The following SRCAP variants were observed in gnomAD, a reference collection of about 807,000 sequenced individuals.
SRCAP encodes the protein Snf2 related CREBBP activator protein.
SRCAP carries 46 observed loss-of-function variants against 263.1 expected under a neutral mutation model. The observed-to-expected ratio is 0.17, with a 90% CI of 0.14 to 0.22. The LOEUF is 0.22. Ranked by LOEUF, SRCAP falls within the 10% of genes least tolerant of loss-of-function variation. The pLI, the probability that SRCAP is intolerant of heterozygous loss-of-function variation, is 1.00. For synonymous variants in SRCAP, 1,813 were observed against 1,662.1 expected (o/e 1.09, Z -2.21); for missense variants, 3,695 against 4,181.9 (o/e 0.88, Z 3.21).
At position 30,739,236 on chromosome 16, in the gene SRCAP, C is replaced by G. The variant is rs188422882; in HGVS notation, c.9196C>G (p.Leu3066Val). 1.2e-6 allele frequency: 2 copies of G among 1,613,624 alleles called. No individual in the cohort carries two copies. The highest frequency in any genetic ancestry group is 1.7e-6 in the Non-Finnish European group (2 of 1,180,014). ...DEDGSRPLTR[L>V]ARLRLEAEGM... ...GGATGGAAGCCGCCCCCTCACCCGC[C>G]TGGCCCGCCTTCGGCTTGAAGCAGA... Residue 3066 changes from leucine (L) to valine (V), a missense_variant, in exon 34 of 34, where the codon CTG (leucine) becomes GTG (valine). By Grantham distance (32) the Leu-to-Val change is conservative (BLOSUM62 1). Around this residue, in one of 12 missense-constraint regions of SRCAP, gnomAD observed 1,207 missense variants for 1,142.9 expected, o/e 1.06. Coordinates refer to ENST00000262518, the MANE Select transcript of SRCAP (RefSeq NM_006662.3).
At chr16:30,722,850 T>C (rs1202631451) in intron 23 of SRCAP, 102 bp downstream of exon 23, 2 of 1,544,762 alleles carry the variant, frequency 1.3e-6, no homozygotes, top group Non-Finnish European at 1.7e-6. Context: ...TTGTTTTCCC[T>C]TGCGAATATC....
rs1055986429 is a variant in SRCAP at position 30,700,642 on chromosome 16, C to T, written c.-183C>T. On this transcript the variant is annotated 5_prime_UTR_variant, in exon 3 of 34. Coordinates refer to ENST00000262518, the MANE Select transcript of SRCAP (RefSeq NM_006662.3). ...TGCTCCAGAGGCTGGTGGACCTGAGCGGAGGCTGGGACGCCCTGGTGGGCC... is the reference window on the plus strand; with the variant it reads ...TGCTCCAGAGGCTGGTGGACCTGAGTGGAGGCTGGGACGCCCTGGTGGGCC... The T allele has an allele frequency of 1.0e-4, 48 of 475,420 alleles. No homozygotes were observed. The South Asian group carries it at 1.5e-3, about 15-fold the overall frequency. The allele number at this position is 475,420 out of a possible 1,614,324, so 29.5% of individuals were successfully genotyped here.
intron 33 of SRCAP, 117 bp downstream of exon 33, chr16:30,736,741 C>G (rs1389243066): frequency 1.8e-6 from 2 of 1,098,996 alleles, no homozygotes; most frequent in East Asian, 2.5e-5. Context: ...GGCACAATCT[C>G]GGGTCACTGC....
Position 30,736,529 on chromosome 16 carries a change from T to C in SRCAP, c.6925-12T>C. On this transcript the variant is annotated splice_polypyrimidine_tract_variant and intron_variant, in intron 32 of 33. Coordinates refer to ENST00000262518, the MANE Select transcript of SRCAP (RefSeq NM_006662.3). ...AGGTTCCTAAGTTTATCACCACCGC[T>C]CCTCCTTGCAGCTGACCCCCATTGA... The C allele has an allele frequency of 6.2e-7, 1 of 1,614,086 alleles. No homozygotes were observed. The highest frequency in any genetic ancestry group is 2.2e-5 in the East Asian group (1 of 44,870).
intron 25 of SRCAP, chr16:30,726,146 C>T (rs2053062540): frequency 6.6e-6 from 1 of 152,174 alleles, no homozygotes; most frequent in Non-Finnish European, 1.5e-5. Context: ...TCCATTGTGA[C>T]TGGCATCTTC....
intron 4 of SRCAP, among the ~76,000 whole-genome samples, chr16:30,705,351 T>A (rs886585987): frequency 1.3e-5 from 2 of 152,186 alleles, no homozygotes; most frequent in African/African-American, 4.8e-5. Context: ...TTTGAAACTA[T>A]GAGGGTAGGG....
intron 6 of SRCAP, among the ~76,000 whole-genome samples, chr16:30,708,718 A>G (rs2052854449): frequency 6.6e-6 from 1 of 152,136 alleles, no homozygotes; most frequent in Admixed American, 6.5e-5. Flanking sequence ...TGTGGAGACA[A>G]GGTCTCGCTG....
Position 30,724,720 on chromosome 16 carries a change from C to T in SRCAP, c.5296C>T (p.His1766Tyr). 1 of 1,614,148 alleles carries T rather than the reference C, an allele frequency of 6.2e-7. No homozygotes were observed. Among genetic ancestry groups the T allele is most frequent in the African/African-American group, 1.3e-5 (1 of 75,060 alleles). The change falls in exon 25 of 34, where the codon CAC (histidine) becomes TAC (tyrosine). Residue 1766 changes from histidine to tyrosine, a missense_variant. Physicochemically the swap from His to Tyr is moderately conservative, Grantham distance 83. Coordinates refer to ENST00000262518, the MANE Select transcript of SRCAP (RefSeq NM_006662.3). ...TTCTCCAGTGGGCCCAGCCCCAGCT[C>T]ACACGCTGACTTTGGCTCCAGCATC... ...PASPVGPAPAHTLTLAPASSS... is the reference protein window; with the variant it reads ...PASPVGPAPAYTLTLAPASSS...
intron 10 of SRCAP, 113 bp from the exon 11 acceptor site, chr16:30,711,458 A>G (rs2151288263): frequency 2.6e-6 from 3 of 1,140,650 alleles, no homozygotes; most frequent in South Asian, 1.6e-5. Flanking sequence ...GCCTCCCCTC[A>G]GACCTGGGCC....
intron 3 of SRCAP, among the ~76,000 whole-genome samples, chr16:30,703,606 T>TG: frequency 6.6e-6 from 1 of 151,842 alleles, no homozygotes; most frequent in Non-Finnish European, 1.5e-5. Flanking sequence ...TATTAAAACT[T>TG]TATCCCAAGG....
In SRCAP at chr16:30,703,343, G is replaced by A. The variant is rs1232463811; in HGVS notation, c.55-721G>A. Among the ~76,000 whole-genome samples the A allele has an allele frequency of 2.7e-5, 4 of 150,556 alleles. No homozygotes were observed. The East Asian group carries it at 6.0e-4, about 23-fold the overall frequency. ...TGAGTAGCTGGGATTACAGGCTCCC[G>A]CCACCACGCCCAGCTAATTTTTGTA... On this transcript the variant is annotated intron_variant, in intron 3 of 33. Coordinates refer to ENST00000262518, the MANE Select transcript of SRCAP (RefSeq NM_006662.3).
chr16:30,707,415 T>A, intron 5 of SRCAP, 47 bp downstream of exon 5: 1 of 1,606,308 alleles, frequency 6.2e-7, no homozygotes, highest in South Asian at 1.1e-5. Context: ...TCAGGTCTGT[T>A]CCTTCCCGGT....
At chr16:30,736,936 A>G (rs781483878) in intron 33 of SRCAP, 113 bp from the exon 34 acceptor site, 88 of 1,232,754 alleles carry the variant, frequency 7.1e-5, no homozygotes, top group Non-Finnish European at 8.9e-5. Context: ...AACTTCCCCA[A>G]GTGCTGGAAT....
chr16:30,700,587 C>CTT (rs746816750), intron 2 of SRCAP, 29 bp from the exon 3 acceptor site: 106 of 347,846 alleles, frequency 3.0e-4, no homozygotes, highest in Admixed American at 3.7e-4. Context: ...GCATTTCTGT[C>CTT]TTTTTTTTTT....
At position 30,710,019 on chromosome 16, in the gene SRCAP, A is replaced by G; in HGVS notation, c.1025A>G (p.Gln342Arg). ...LEELLRSLPP[Q>R]LLEGPSSPSQ... is the part of the protein sequence containing the mutation. ...GAGCTGCTCCGTTCCCTTCCCCCTC[A>G]GCTGTTGGAAGGGCCTTCCAGCCCC... Residue 342 changes from glutamine (Q) to arginine (R), a missense_variant, in exon 8 of 34, where the codon CAG becomes CGG. Transcript: ENST00000262518. The G allele has an allele frequency of 6.2e-7, 1 of 1,614,102 alleles. No homozygotes were observed. The highest frequency in any genetic ancestry group is 8.5e-7 in the Non-Finnish European group (1 of 1,180,014).
chr16:30,735,644 G>A (rs1249272536), intron 31 of SRCAP, among the ~76,000 whole-genome samples: 6 of 143,252 alleles, frequency 4.2e-5, no homozygotes, highest in Non-Finnish European at 7.5e-5. Flanking sequence ...GCAGTGGCGC[G>A]ATCTCGGCTC....
Position 30,739,524 on chromosome 16 carries a change from C to A in SRCAP, c.9484C>A (p.Pro3162Thr), listed in dbSNP as rs748378196. Reference protein sequence around the residue: ...AKRGRLQPPSPLGPEGSVEES... With the variant: ...AKRGRLQPPSTLGPEGSVEES... ...GCGGGGCCGCCTACAGCCCCCAAGT[C>A]CCCTGGGGCCTGAGGGTTCAGTAGA... The change falls in exon 34 of 34, where the codon CCC (proline) becomes ACC (threonine). Residue 3162 changes from proline to threonine, a missense_variant. Pro to Thr is a conservative substitution (Grantham distance 38). Transcript: ENST00000262518. 1.2e-5 allele frequency: 20 copies of A among 1,611,964 alleles called. No individual in the cohort carries two copies. Among genetic ancestry groups the A allele is most frequent in the Non-Finnish European group, 1.7e-5 (20 of 1,179,114 alleles).
At chr16:30,708,000 A>G (rs985762436) in intron 6 of SRCAP, among the ~76,000 whole-genome samples, 10 of 152,168 alleles carry the variant, frequency 6.6e-5, no homozygotes, top group Admixed American at 1.3e-4. Flanking sequence ...AATTCCGTCA[A>G]AGTTCCCACT....
rs1188663883 is a variant in SRCAP at position 30,705,724 on chromosome 16, T to G, written c.306+1409T>G. On this transcript the variant is annotated intron_variant, in intron 4 of 33. Coordinates refer to ENST00000262518, the MANE Select transcript of SRCAP (RefSeq NM_006662.3). ...ACAATTGGGTTTTTTTTTTTTTCCT[T>G]GAGACGGAGTCTCAGTCTTTCGCTG... is the stretch of plus-strand genomic sequence containing the variant. 2.3e-4 allele frequency among the ~76,000 whole-genome samples: 35 copies of G among 151,274 alleles called. No individual in the cohort carries two copies. In the Middle Eastern group the frequency reaches 0.01, roughly 44 times the overall value.
Sources: gnomAD v4.1 joint callset for allele counts (sites outside exome capture counted in the v4.1 genomes callset) on GRCh38, gnomAD v4.1.1 for gene constraint, gnomAD v4.1.1 regional missense constraint, MANE v1.5 for transcripts, NCBI Gene and HGNC (gene_info 2026-07-23, HGNC 2026-07-21) for gene names.